The following FGF22 variants were observed in gnomAD, a reference collection of about 807,000 sequenced individuals.
FGF22 encodes the protein FGF-22.
In FGF22, 11 loss-of-function variants were observed where a neutral mutation model predicts 10.3. The observed-to-expected ratio is 1.07, with a 90% confidence interval of 0.67 to 1.77. FGF22 has a LOEUF of 1.77. Among genes scored for constraint, FGF22 ranks in the 40% most tolerant of loss-of-function variants. The pLI, the probability that FGF22 is intolerant of heterozygous loss-of-function variation, is 0.00. For missense variants in FGF22, 317 were observed against 273.2 expected (o/e 1.16, Z -1.13); for synonymous variants, 136 against 122.1 (o/e 1.11, Z -0.75).
chr19:640,735 C>A, intron 1 of FGF22: 1 of 188,840 alleles, frequency 5.3e-6, no homozygotes, highest in Non-Finnish European at 1.1e-5. Context: ...ATGTCAGGAG[C>A]AAGAGGAGAG....
chr19:643,776 C>A, exon 3 of FGF22: 1 of 617,764 alleles, frequency 1.6e-6, no homozygotes, highest in Non-Finnish European at 2.8e-6. Flanking sequence ...GGGGTGGTGG[C>A]CACCAAGCAG....
Position 643,536 on chromosome 19 carries a change from C to CCG in FGF22, c.446_447insGC (p.Arg150ProfsTer76). ...CCTGGCGCTGGACAGGAGGGGGGGG[C>CCG]CCCGGCCAGGCGGCCGGACGCGGCG... On this transcript the variant is annotated frameshift_variant, in exon 3 of 3. Transcript: ENST00000215530. LOFTEE classifies it low-confidence loss of function (END_TRUNC). 6.2e-7 allele frequency: 1 copy of CCG among 1,600,924 alleles called. No individual in the cohort carries two copies. The highest frequency in any genetic ancestry group is 8.5e-7 in the Non-Finnish European group (1 of 1,175,448).
At chr19:642,883 C>T (rs1026943582) in intron 1 of FGF22, among the ~76,000 whole-genome samples, 5 of 152,144 alleles carry the variant, frequency 3.3e-5, no homozygotes, top group African/African-American at 7.2e-5. Flanking sequence ...GGAGCCCCCC[C>T]GCCATACACA....
In FGF22 at chr19:643,491, CGCCGCGGCCAGCCCATGTTCCTGGCGCT is replaced by C. The variant is rs1985981825; in HGVS notation, c.402_429del (p.Arg135ThrfsTer81). 6.2e-7 allele frequency: 1 copy of C among 1,610,938 alleles called. No individual in the cohort carries two copies. The highest frequency in any genetic ancestry group is 1.3e-5 in the African/African-American group (1 of 74,996). ...CACCTACGCCTCACAGCGCTGGCGC[CGCCGCGGCCAGCCCATGTTCCTGGCGCT>C]GGACAGGAGGGGGGGGCCCCGGCCA... On this transcript the variant is annotated frameshift_variant, in exon 3 of 3. Coordinates refer to ENST00000215530, the Ensembl canonical transcript of FGF22. LOFTEE classifies it low-confidence loss of function (END_TRUNC).
chr19:640,254 G>A, intron 1 of FGF22, 115 bp downstream of exon 1: 1 of 640,860 alleles, frequency 1.6e-6, no homozygotes, highest in East Asian at 3.6e-5. Flanking sequence ...CCTCTGTGCA[G>A]CCTCGGCCTC....
intron 1 of FGF22, among the ~76,000 whole-genome samples, chr19:642,157 A>G (rs1396706947): frequency 6.6e-6 from 1 of 152,176 alleles, no homozygotes. Context: ...CCTCCAGTCC[A>G]GAGTCCCAGT....
Position 640,238 on chromosome 19 carries a change from G to C in FGF22, c.214+99G>C, listed in dbSNP as rs138814036. The C allele has an allele frequency of 1.0e-3, 817 of 799,498 alleles. 3 individuals carry two copies. In the African/African-American group the frequency reaches 0.011, roughly 11 times the overall value. 49.5% of individuals were successfully genotyped at this position (799,498 alleles called of 1,614,324 possible). ...GACCTGCGCCCGCGGGGGAGTCCCG[G>C]AGGCTCCTCTGTGCAGCCTCGGCCT... On this transcript the variant is annotated intron_variant, in intron 1 of 2. Transcript: ENST00000215530.
intron 1 of FGF22, chr19:640,496 A>C (rs1600613735): frequency 1.0e-5 from 2 of 195,786 alleles, no homozygotes; most frequent in East Asian, 2.3e-4. Flanking sequence ...TCCTGACATC[A>C]CAGAATCCAG....
intron 1 of FGF22, 118 bp downstream of exon 1, chr19:640,257 T>TC: frequency 1.6e-6 from 1 of 617,478 alleles, no homozygotes; most frequent in Non-Finnish European, 2.3e-6. Flanking sequence ...CTGTGCAGCC[T>TC]CGGCCTCAGT....
intron 1 of FGF22, among the ~76,000 whole-genome samples, chr19:642,588 C>T (rs1461361882): frequency 8.2e-6 from 1 of 122,190 alleles, no homozygotes; most frequent in Non-Finnish European, 1.7e-5. Context: ...GCTGTGAGGG[C>T]CGGGCTGGGG....
chr19:643,659 G>A (rs751206563), exon 3 of FGF22: 176 of 1,366,688 alleles, frequency 1.3e-4, no homozygotes, highest in South Asian at 7.4e-4. Context: ...CGAGGGGCCC[G>A]GCCACGCTTG....
In FGF22 at chr19:643,418, C is replaced by A; in HGVS notation, c.327C>A (p.Tyr109Ter). Residue 109 changes from tyrosine to a stop codon, truncating the protein, a stop_gained, in exon 3 of 3, where the codon TAC (tyrosine) becomes TAA (stop). Transcript: ENST00000215530. LOFTEE classifies it low-confidence loss of function (END_TRUNC). ...CTCACCCCCGCCCGCAGCGACTCTA[C>A]ACCGTGGACTGCAGGTTCCGGGAGC... 6.2e-7 allele frequency: 1 copy of A among 1,611,172 alleles called. No homozygotes were observed. Among genetic ancestry groups the A allele is most frequent in the Non-Finnish European group, 8.5e-7 (1 of 1,179,170 alleles).
chr19:641,303 G>A (rs1568183708), intron 1 of FGF22: 1 of 454,148 alleles, frequency 2.2e-6, no homozygotes, highest in Non-Finnish European at 4.4e-6. Context: ...TTGGCCGGGT[G>A]CAGTGGCTCA....
chr19:643,423 T>C (rs1187385928), exon 3 of FGF22: 3 of 1,611,168 alleles, frequency 1.9e-6, no homozygotes, highest in Non-Finnish European at 2.5e-6. Context: ...CTCTACACCG[T>C]GGACTGCAGG....
At chr19:643,732 G>A in exon 3 of FGF22, 2 of 821,574 alleles carry the variant, frequency 2.4e-6, no homozygotes, top group Non-Finnish European at 1.9e-6. Context: ...TGTGGACACA[G>A]CCCAGGAGCC....
At chr19:641,937 C>A (rs1985915042) in intron 1 of FGF22, among the ~76,000 whole-genome samples, 1 of 152,148 alleles carries the variant, frequency 6.6e-6, no homozygotes, top group Non-Finnish European at 1.5e-5. Flanking sequence ...CAAGACACTT[C>A]AGCTCAGGGT....
exon 3 of FGF22, chr19:644,291 C>A (rs1429789425): frequency 6.6e-6 from 1 of 152,548 alleles, no homozygotes; most frequent in Non-Finnish European, 1.5e-5. Flanking sequence ...CCGGCCTGCT[C>A]CTGCCTTGAT....
exon 3 of FGF22, chr19:644,233 A>G (rs1372892102): frequency 1.3e-5 from 2 of 153,840 alleles, no homozygotes; most frequent in Non-Finnish European, 2.9e-5. Flanking sequence ...GTGCCTCCAG[A>G]TGCTGGGGAA....
chr19:641,002 C>T (rs1985880839), intron 1 of FGF22: 2 of 361,142 alleles, frequency 5.5e-6, no homozygotes, highest in East Asian at 7.4e-5. Flanking sequence ...GCGGGGTGGC[C>T]TCGGGCCGGG....
Sources: gnomAD v4.1 joint callset for allele counts (sites outside exome capture counted in the v4.1 genomes callset) on GRCh38, gnomAD v4.1.1 for gene constraint, MANE v1.5 for transcripts, NCBI Gene and HGNC (gene_info 2026-07-23, HGNC 2026-07-21) for gene names.